LRRC4C: variants seen among roughly 807,000 people sequenced by gnomAD.
LRRC4C encodes leucine rich repeat containing 4C, also known as leucine-rich repeat-containing protein 4C.
A neutral mutation model predicts 33.6 loss-of-function variants in LRRC4C; 5 were observed. The observed-to-expected ratio is 0.15, with a 90% CI of 0.08 to 0.31. The LOEUF (loss-of-function observed/expected upper bound fraction) is 0.31. Ranked by LOEUF, LRRC4C falls within the 10% of genes least tolerant of loss-of-function variation. The pLI is 1.00. For synonymous variants in LRRC4C, 329 were observed against 302.0 expected (o/e 1.09, Z -0.93); for missense variants, 560 against 796.7 (o/e 0.70, Z 3.58).
chr11:40,477,957 C>T (rs1953329551), intron 3 of LRRC4C, among the ~76,000 whole-genome samples: 1 of 152,096 alleles, frequency 6.6e-6, no homozygotes. Context: ...TCAGTAAGTC[C>T]CATGAGGACT....
chr11:41,134,562 A>C (rs1226539857), intron 1 of LRRC4C, among the ~76,000 whole-genome samples: 3 of 152,214 alleles, frequency 2.0e-5, no homozygotes, highest in Non-Finnish European at 4.4e-5. Flanking sequence ...AGCACCACAG[A>C]CTGGCTTAAA....
At chr11:40,707,224 C>G (rs1488259959) in intron 2 of LRRC4C, among the ~76,000 whole-genome samples, 1 of 152,276 alleles carries the variant, frequency 6.6e-6, no homozygotes, top group Non-Finnish European at 1.5e-5. Context: ...CCTGAGTGCC[C>G]TGGCCAGAAC....
At chr11:40,169,884 TG>T (rs1859905783) in intron 5 of LRRC4C, among the ~76,000 whole-genome samples, 1 of 152,226 alleles carries the variant, frequency 6.6e-6, no homozygotes, top group African/African-American at 2.4e-5. Flanking sequence ...TAATTATTGC[TG>T]TATTACTAGA....
intron 4 of LRRC4C, among the ~76,000 whole-genome samples, chr11:40,291,128 A>G (rs144089556): frequency 9.9e-5 from 15 of 152,200 alleles, no homozygotes; most frequent in African/African-American, 3.4e-4. Flanking sequence ...ATATGAGTCT[A>G]TGATTCTGAT....
At chr11:41,197,918 G>A (rs1310221668) in intron 1 of LRRC4C, among the ~76,000 whole-genome samples, 2 of 151,808 alleles carry the variant, frequency 1.3e-5, no homozygotes, top group African/African-American at 4.8e-5. Context: ...GATATCAATA[G>A]CAATGAAATT....
At chr11:41,188,090 T>C (rs1235245842) in intron 1 of LRRC4C, among the ~76,000 whole-genome samples, 1 of 152,138 alleles carries the variant, frequency 6.6e-6, no homozygotes, top group Non-Finnish European at 1.5e-5. Context: ...TATCCAGTTT[T>C]CACAAATTTC....
At chr11:40,382,789 G>A (rs1393406452) in intron 3 of LRRC4C, among the ~76,000 whole-genome samples, 1 of 146,642 alleles carries the variant, frequency 6.8e-6, no homozygotes, top group African/African-American at 2.6e-5. Flanking sequence ...CGCCCCCAGG[G>A]TTCACGCCAT....
At chr11:41,038,283 A>G (rs1182482239) in intron 1 of LRRC4C, among the ~76,000 whole-genome samples, 1 of 152,198 alleles carries the variant, frequency 6.6e-6, no homozygotes, top group Non-Finnish European at 1.5e-5. Context: ...ATACACACAC[A>G]TCTAAAAACC....
chr11:40,884,637 A>C (rs1955348640), intron 2 of LRRC4C, among the ~76,000 whole-genome samples: 1 of 152,078 alleles, frequency 6.6e-6, no homozygotes, highest in Admixed American at 6.6e-5. Flanking sequence ...CTATACAGTT[A>C]TTTCTATATC....
chr11:40,708,784 ATCTG>A (rs1318244305), intron 2 of LRRC4C, among the ~76,000 whole-genome samples: 2 of 152,094 alleles, frequency 1.3e-5, no homozygotes, highest in South Asian at 2.1e-4. Context: ...TGTCTTGTTG[ATCTG>A]TCTAATATTG....
chr11:40,340,149 A>G (rs1052756850), intron 3 of LRRC4C, among the ~76,000 whole-genome samples: 3 of 152,152 alleles, frequency 2.0e-5, no homozygotes, highest in Non-Finnish European at 2.9e-5. Flanking sequence ...ACACTGCCCA[A>G]GCACGTGGTT....
At chr11:40,166,449 G>A (rs528390274) in intron 5 of LRRC4C, among the ~76,000 whole-genome samples, 3 of 152,174 alleles carry the variant, frequency 2.0e-5, no homozygotes, top group East Asian at 1.9e-4. Flanking sequence ...CTTGAGGAGC[G>A]GGCAGTTACT....
chr11:40,116,705 A>G (rs923717081), intron 6 of LRRC4C, among the ~76,000 whole-genome samples: 2 of 152,230 alleles, frequency 1.3e-5, no homozygotes, highest in Non-Finnish European at 2.9e-5. Flanking sequence ...CTTTGGGGCT[A>G]TATCAAACAA....
intron 2 of LRRC4C, among the ~76,000 whole-genome samples, chr11:40,650,836 T>A (rs1040519145): frequency 6.6e-6 from 1 of 152,176 alleles, no homozygotes; most frequent in African/African-American, 2.4e-5. Flanking sequence ...CCCATAAGAA[T>A]CATTATGACA....
intron 3 of LRRC4C, among the ~76,000 whole-genome samples, chr11:40,591,232 C>A (rs572989849): frequency 6.6e-6 from 1 of 152,248 alleles, no homozygotes; most frequent in Admixed American, 6.5e-5. Context: ...GTGGGAGCGA[C>A]CCGATTTTCC....
At chr11:41,448,120 C>CTTTTTTTTTTTTTTTTT (rs1211366298) in intron 1 of LRRC4C, among the ~76,000 whole-genome samples, 1 of 23,864 alleles carries the variant, frequency 4.2e-5, no homozygotes, top group African/African-American at 2.2e-4. Context: ...CTGCACACGT[C>CTTTTTTTTTTTTTTTTT]TGTTTTTTTT....
At chr11:40,816,020 C>T (rs563437323) in intron 2 of LRRC4C, among the ~76,000 whole-genome samples, 2 of 152,216 alleles carry the variant, frequency 1.3e-5, no homozygotes, top group East Asian at 1.9e-4. Context: ...AGAGGACTTC[C>T]CCCCAGTTTG....
At chr11:41,137,421 G>A (rs542859080) in intron 1 of LRRC4C, among the ~76,000 whole-genome samples, 1 of 152,154 alleles carries the variant, frequency 6.6e-6, no homozygotes, top group Admixed American at 6.5e-5. Flanking sequence ...TTGGGGAAAT[G>A]GTAATATTTT....
intron 2 of LRRC4C, among the ~76,000 whole-genome samples, chr11:40,878,776 G>T (rs1484153368): frequency 1.3e-5 from 2 of 152,222 alleles, no homozygotes; most frequent in Non-Finnish European, 2.9e-5. Context: ...TAGCACTGCT[G>T]TGTGGTGTCT....
Sources: gnomAD v4.1 joint callset for allele counts (sites outside exome capture counted in the v4.1 genomes callset) on GRCh38, gnomAD v4.1.1 for gene constraint, MANE v1.5 for transcripts, NCBI Gene and HGNC (gene_info 2026-07-23, HGNC 2026-07-21) for gene names.